The following SLC39A8 variants were observed in gnomAD, a reference collection of about 807,000 sequenced individuals.
SLC39A8 encodes the protein metal cation symporter ZIP8.
In SLC39A8, 15 loss-of-function variants were observed where a neutral mutation model predicts 40.4. The ratio of observed to expected loss-of-function variants is 0.37; its 90% CI spans 0.25 to 0.57. SLC39A8 has a LOEUF of 0.57. SLC39A8 is among the 20% of genes least tolerant of loss of function. The probability of loss-of-function intolerance (pLI) is 0.75; values close to 1 mark genes in which losing one functional copy is unlikely to be tolerated. For synonymous variants in SLC39A8, 223 were observed against 221.6 expected, an observed-to-expected ratio of 1.01 and a Z score of -0.06; for missense variants, 472 against 558.8, an observed-to-expected ratio of 0.84 and a Z score of 1.57.
intron 6 of SLC39A8, among the ~76,000 whole-genome samples, chr4:102,290,737 G>A (rs1302066563): frequency 6.6e-6 from 1 of 151,882 alleles, no homozygotes; most frequent in African/African-American, 2.4e-5. Flanking sequence ...TATTATCATC[G>A]CTAGTCAACG....
At chr4:102,345,218 C>T (rs1736124687) in intron 1 of SLC39A8, 127 bp downstream of exon 1, 1 of 152,620 alleles carries the variant, frequency 6.6e-6, no homozygotes, top group Non-Finnish European at 1.5e-5. Flanking sequence ...GACGTGCAGT[C>T]CCCAAGGAGC....
At chr4:102,265,225 G>A (rs1732047028) in intron 8 of SLC39A8, among the ~76,000 whole-genome samples, 1 of 152,118 alleles carries the variant, frequency 6.6e-6, no homozygotes, top group Admixed American at 6.6e-5. Flanking sequence ...ACACTTAGAG[G>A]CCACTGTAGG....
At chr4:102,342,951 A>G (rs1441329004) in intron 2 of SLC39A8, among the ~76,000 whole-genome samples, 1 of 152,178 alleles carries the variant, frequency 6.6e-6, no homozygotes, top group Non-Finnish European at 1.5e-5. Flanking sequence ...ACGTGACCAT[A>G]CCTACCTGGA....
chr4:102,264,722 CTTAG>C (rs1395208147), intron 8 of SLC39A8, among the ~76,000 whole-genome samples: 1 of 152,252 alleles, frequency 6.6e-6, no homozygotes, highest in African/African-American at 2.4e-5. Context: ...CATCAGTGAT[CTTAG>C]TTAGATCTTC....
chr4:102,344,357 C>G, intron 2 of SLC39A8, 87 bp downstream of exon 2: 1 of 954,352 alleles, frequency 1.0e-6, no homozygotes, highest in South Asian at 2.0e-5. Context: ...TTCTCCTGCA[C>G]TTTTCCCAAA....
chr4:102,253,498 T>C (rs1731639439), intron 11 of SLC39A8: 3 of 683,976 alleles, frequency 4.4e-6, no homozygotes, highest in Non-Finnish European at 8.1e-6. Flanking sequence ...CCGTAATCTT[T>C]CAGTCCTCTA....
intron 6 of SLC39A8, among the ~76,000 whole-genome samples, chr4:102,270,739 T>G (rs1341182789): frequency 1.3e-5 from 2 of 152,172 alleles, no homozygotes; most frequent in Non-Finnish European, 2.9e-5. Context: ...TGTAACACCT[T>G]TCACTTAGTT....
At chr4:102,324,273 T>A in intron 2 of SLC39A8, 1 of 347,126 alleles carries the variant, frequency 2.9e-6, no homozygotes, top group Non-Finnish European at 5.9e-6. Context: ...TGCATGCCTG[T>A]AATCCCAGCT....
intron 6 of SLC39A8, among the ~76,000 whole-genome samples, chr4:102,295,705 T>C (rs993617311): frequency 1.3e-5 from 2 of 152,054 alleles, no homozygotes; most frequent in Admixed American, 6.6e-5. Flanking sequence ...CCAATGTTTG[T>C]TTTATTTTTT....
intron 2 of SLC39A8, among the ~76,000 whole-genome samples, chr4:102,330,713 C>T (rs1735413902): frequency 1.3e-5 from 2 of 152,118 alleles, no homozygotes; most frequent in Non-Finnish European, 2.9e-5. Flanking sequence ...CTGGCAAAGA[C>T]ATAACAGAAA....
chr4:102,327,402 C>T lies in SLC39A8; in HGVS notation c.220-11572G>A, dbSNP rs192653664. The stretch of plus-strand genomic sequence containing the variant: ...TCTATCCTAACCAGTTATAATCAGC[C>T]TTATATTGTAACTTCACTGTGACTT... On this transcript the variant is annotated intron_variant, in intron 2 of 8. Coordinates refer to ENST00000356736, the MANE Select transcript of SLC39A8 (RefSeq NM_001135146.2). 3.0e-3 allele frequency among the ~76,000 whole-genome samples: 460 copies of T among 152,270 alleles called. 1 individual carries two copies. The highest frequency in any genetic ancestry group is 5.6e-3 in the Admixed American group (86 of 15,302).
chr4:102,263,042 T>C lies in SLC39A8; in HGVS notation c.*2A>G. ...ATTAACAACACCATCTTCCATTTTC[T>C]ATTACTCCAATTCGATTTCTCCTGC... On this transcript the variant is annotated 3_prime_UTR_variant, in exon 9 of 9. Coordinates refer to ENST00000356736, the MANE Select transcript of SLC39A8 (RefSeq NM_001135146.2). 1.2e-6 allele frequency: 2 copies of C among 1,604,126 alleles called. No individual in the cohort carries two copies. Among genetic ancestry groups the C allele is most frequent in the South Asian group, 1.1e-5 (1 of 89,626 alleles).
intron 6 of SLC39A8, among the ~76,000 whole-genome samples, chr4:102,299,197 A>G (rs1383290699): frequency 6.6e-6 from 1 of 151,958 alleles, no homozygotes; most frequent in Non-Finnish European, 1.5e-5. Context: ...TCCCACCGCC[A>G]GGCAAGAATG....
chr4:102,315,187 T>A (rs192500838), intron 3 of SLC39A8, among the ~76,000 whole-genome samples: 1 of 152,268 alleles, frequency 6.6e-6, no homozygotes, highest in African/African-American at 2.4e-5. Context: ...TAAAATAGTC[T>A]CTGGTATTTT....
chr4:102,285,308 A>G (rs1350958903), intron 6 of SLC39A8, among the ~76,000 whole-genome samples: 1 of 152,148 alleles, frequency 6.6e-6, no homozygotes, highest in African/African-American at 2.4e-5. Flanking sequence ...GGAGAATGTC[A>G]CCACTTAATT....
chr4:102,276,260 G>T (rs1200262207), intron 6 of SLC39A8, among the ~76,000 whole-genome samples: 3 of 152,094 alleles, frequency 2.0e-5, no homozygotes, highest in African/African-American at 7.2e-5. Flanking sequence ...AAGAAGAAAA[G>T]AGAGAAGAAT....
At chr4:102,271,409 T>C (rs770892603) in intron 6 of SLC39A8, among the ~76,000 whole-genome samples, 42 of 152,166 alleles carry the variant, frequency 2.8e-4, no homozygotes, top group Non-Finnish European at 4.6e-4. Context: ...TCATCAACCA[T>C]CCAAATGTTT....
intron 3 of SLC39A8, among the ~76,000 whole-genome samples, chr4:102,310,696 CAACTGAAGCACTTTCCACTT>C (rs1477412165): frequency 9.2e-5 from 14 of 152,206 alleles, no homozygotes; most frequent in Admixed American, 2.6e-4. Context: ...AGTTTCCATT[CAACTGAAGCACTTTCCACTT>C]AACTGAAGCA....
chr4:102,330,519 G>A (rs1735402501), intron 2 of SLC39A8, among the ~76,000 whole-genome samples: 1 of 152,126 alleles, frequency 6.6e-6, no homozygotes, highest in South Asian at 2.1e-4. Context: ...CTGAAATGGA[G>A]GCAGTAATTA....
Sources: allele counts gnomAD v4.1 joint callset (sites outside exome capture counted in the v4.1 genomes callset), GRCh38; gene constraint gnomAD v4.1.1; transcripts MANE v1.5; gene names NCBI Gene and HGNC (gene_info 2026-07-23, HGNC 2026-07-21).